Variants in SH3TC2 observed in about 807,000 individuals in gnomAD.
SH3TC2 encodes SH3 domain and tetratricopeptide repeats 2.
In SH3TC2, 87 loss-of-function variants were observed where a neutral mutation model predicts 124.5. The observed-to-expected ratio is 0.70, with a 90% CI of 0.59 to 0.84. The LOEUF (loss-of-function observed/expected upper bound fraction) is 0.84, where lower values mean the gene tolerates loss of function less well. Ranked by LOEUF, SH3TC2 falls within the 40% of genes least tolerant of loss-of-function variation. The pLI is 0.00. For synonymous variants in SH3TC2, 634 were observed against 628.5 expected (o/e 1.01, Z -0.13); for missense variants, 1,536 against 1,566.4 (o/e 0.98, Z 0.33).
At position 149,007,082 on chromosome 5, in the gene SH3TC2, G is replaced by A. The variant is rs768321650; in HGVS notation, c.3479-5C>T. ...CCAGCTCTTGCCTCTGATCTCCTAA[G>A]AATTGGAAGACTGAGAGAGATATCC... On this transcript the variant is annotated splice_polypyrimidine_tract_variant and splice_region_variant and intron_variant, in intron 15 of 16. Coordinates refer to ENST00000515425, the MANE Select transcript of SH3TC2 (RefSeq NM_024577.4). The A allele has an allele frequency of 1.5e-5, 24 of 1,613,796 alleles. No individual in the cohort carries two copies. Among genetic ancestry groups the A allele is most frequent in the Non-Finnish European group, 1.9e-5 (22 of 1,179,808 alleles).
chr5:149,001,018 T>A lies in SH3TC2; in HGVS notation c.*3693A>T, dbSNP rs907599702. ...TGCCCAAGGTCGCACTGCAATTTAA[T>A]ATCAAAATCAAGACCAAAATACAGG... On this transcript the variant is annotated 3_prime_UTR_variant, in exon 17 of 17. Transcript: ENST00000515425. Among the ~76,000 whole-genome samples, 1 of 152,174 alleles carries A rather than the reference T, an allele frequency of 6.6e-6. No individual in the cohort carries two copies. Among genetic ancestry groups the A allele is most frequent in the Non-Finnish European group, 1.5e-5 (1 of 68,034 alleles).
intron 1 of SH3TC2, chr5:149,062,481 C>T (rs565414196): frequency 1.7e-5 from 8 of 469,616 alleles, no homozygotes; most frequent in Admixed American, 1.5e-4. Context: ...TGCACACACT[C>T]ACACATGCAC....
chr5:149,020,113 A>ACACACACACACACACACAC (rs1753943863), intron 12 of SH3TC2, among the ~76,000 whole-genome samples: 1 of 146,804 alleles, frequency 6.8e-6, no homozygotes, highest in African/African-American at 2.6e-5. Context: ...GAAAAGGTCA[A>ACACACACACACACACACAC]ACACACACAC....
Position 148,993,046 on chromosome 5 carries a change from G to T in SH3TC2, c.*11665C>A, listed in dbSNP as rs1316342942. ...AGCCCACAGCGTTTCATTTAGATCT[G>T]GTCTGGGCTGCCTTTACCTGGCCTC... is the stretch of plus-strand genomic sequence containing the variant. On this transcript the variant is annotated 3_prime_UTR_variant, in exon 17 of 17. Transcript: ENST00000515425. Among the ~76,000 whole-genome samples the T allele has an allele frequency of 6.6e-6, 1 of 152,098 alleles. No homozygotes were observed. The highest frequency in any genetic ancestry group is 1.5e-5 in the Non-Finnish European group (1 of 68,022).
At chr5:149,034,544 T>C (rs1561767646) in intron 8 of SH3TC2, 4 of 386,834 alleles carry the variant, frequency 1.0e-5, no homozygotes, top group South Asian at 8.1e-5. Flanking sequence ...ATAAATATAA[T>C]ATCATTTTTA....
At chr5:149,025,547 C>A (rs1386438908) in intron 12 of SH3TC2, among the ~76,000 whole-genome samples, 1 of 152,182 alleles carries the variant, frequency 6.6e-6, no homozygotes, top group Non-Finnish European at 1.5e-5. Context: ...TGCAATACTG[C>A]AAAGCAAATC....
At position 149,042,781 on chromosome 5, in the gene SH3TC2, A is replaced by C. The variant is rs748071430; in HGVS notation, c.442T>G (p.Cys148Gly). ...LLFDHKYWLN[C>G]ILVEDTEIQV... Reference sequence around the variant, plus strand: ...ATCTCTGTATCCTCCACCAATATGCAGTTGAGCCAGTACTTGTGGTCAAAG... The same window carrying C: ...ATCTCTGTATCCTCCACCAATATGCCGTTGAGCCAGTACTTGTGGTCAAAG... The change falls in exon 5 of 17, where the codon TGC becomes GGC. Residue 148 changes from cysteine to glycine, a missense_variant. Cys to Gly is a radical substitution (Grantham distance 159). Around this residue, in one of 3 missense-constraint regions of SH3TC2, gnomAD observed 1,102 missense variants for 1,098.6 expected, o/e 1.00. Transcript: ENST00000515425. 37 of 1,614,078 alleles carry C rather than the reference A, an allele frequency of 2.3e-5. No individual in the cohort carries two copies. The highest frequency in any genetic ancestry group is 4.0e-5 in the African/African-American group (3 of 74,922).
At position 149,032,254 on chromosome 5, in the gene SH3TC2, A is replaced by T. The variant is rs142818531; in HGVS notation, c.1002-567T>A. 2.2e-3 allele frequency among the ~76,000 whole-genome samples: 338 copies of T among 152,344 alleles called. 3 individuals carry two copies. The highest frequency in any genetic ancestry group is 7.9e-3 in the African/African-American group (329 of 41,580). ...GTTTAGTCAACATTAAGAGGATTGG[A>T]ATCGCTAAGGGAAAGAAGTGGGTAA... is the stretch of plus-strand genomic sequence containing the variant. On this transcript the variant is annotated intron_variant, in intron 8 of 16. Coordinates refer to ENST00000515425, the MANE Select transcript of SH3TC2 (RefSeq NM_024577.4).
At chr5:149,005,241 T>C (rs1753667356) in intron 16 of SH3TC2, among the ~76,000 whole-genome samples, 1 of 152,156 alleles carries the variant, frequency 6.6e-6, no homozygotes, top group African/African-American at 2.4e-5. Context: ...CCTGGGACTT[T>C]CCACTGTGTC....
intron 1 of SH3TC2, among the ~76,000 whole-genome samples, chr5:149,057,035 T>C (rs1216255191): frequency 1.3e-5 from 2 of 152,216 alleles, no homozygotes; most frequent in Non-Finnish European, 2.9e-5. Flanking sequence ...TTTTCTTTTT[T>C]TATAGGCACA....
chr5:149,037,935 A>C (rs771239896), intron 8 of SH3TC2, among the ~76,000 whole-genome samples: 2 of 152,132 alleles, frequency 1.3e-5, no homozygotes, highest in Non-Finnish European at 2.9e-5. Flanking sequence ...GCATGCTGCT[A>C]ATCTATTTCT....
chr5:148,989,023 A>G lies in SH3TC2; in HGVS notation c.*15688T>C, dbSNP rs1044143567. ...GGAAATAAAAAAACAACCACCAACCACACACTCATATAACACACACAACAC... is the reference window on the plus strand; with the variant it reads ...GGAAATAAAAAAACAACCACCAACCGCACACTCATATAACACACACAACAC... On this transcript the variant is annotated 3_prime_UTR_variant, in exon 17 of 17. Coordinates refer to ENST00000515425, the MANE Select transcript of SH3TC2 (RefSeq NM_024577.4). 5.9e-5 allele frequency among the ~76,000 whole-genome samples: 9 copies of G among 152,190 alleles called. No individual in the cohort carries two copies. Among genetic ancestry groups the G allele is most frequent in the African/African-American group, 2.2e-4 (9 of 41,442 alleles).
chr5:149,038,201 AC>A lies in SH3TC2; in HGVS notation c.1001+93del, dbSNP rs534457131. The stretch of plus-strand genomic sequence containing the variant: ...TTTTCTGGCTCCATGTCACCAGGGC[AC>A]CCTCGAAGCTCAACTGCAAATCTGC... On this transcript the variant is annotated intron_variant, in intron 8 of 16. Coordinates refer to ENST00000515425, the MANE Select transcript of SH3TC2 (RefSeq NM_024577.4). 6.3e-4 allele frequency: 765 copies of A among 1,209,554 alleles called. 5 individuals are homozygous for A. The African/African-American group carries it at 0.01, about 16-fold the overall frequency. 74.9% of individuals were successfully genotyped at this position (1,209,554 alleles called of 1,614,324 possible).
In SH3TC2 at chr5:148,982,202, C is replaced by T. The variant is rs1238121646; in HGVS notation, c.*22509G>A. Among the ~76,000 whole-genome samples, 1 of 151,722 alleles carries T rather than the reference C, an allele frequency of 6.6e-6. No individual in the cohort carries two copies. Among genetic ancestry groups the T allele is most frequent in the Non-Finnish European group, 1.5e-5 (1 of 67,966 alleles). Reference sequence around the variant, plus strand: ...GTTTAAATTTTAAAACATTGAGATACCACCTCACAACTATTAAACACTCAA... The same window carrying T: ...GTTTAAATTTTAAAACATTGAGATATCACCTCACAACTATTAAACACTCAA... On this transcript the variant is annotated 3_prime_UTR_variant, in exon 17 of 17. Coordinates refer to ENST00000515425, the MANE Select transcript of SH3TC2 (RefSeq NM_024577.4).
intron 12 of SH3TC2, among the ~76,000 whole-genome samples, chr5:149,015,722 C>A (rs116062126): frequency 1.1e-4 from 17 of 152,316 alleles, no homozygotes; most frequent in African/African-American, 3.6e-4. Flanking sequence ...TCTTACCACC[C>A]GCTGCTGGGG....
chr5:149,015,603 C>T (rs1488978969), intron 12 of SH3TC2, among the ~76,000 whole-genome samples: 1 of 152,206 alleles, frequency 6.6e-6, no homozygotes, highest in African/African-American at 2.4e-5. Context: ...TTTTTCCTGT[C>T]CTCAAGTTCA....
At chr5:149,061,058 G>T (rs1394020599) in intron 1 of SH3TC2, among the ~76,000 whole-genome samples, 1 of 152,118 alleles carries the variant, frequency 6.6e-6, no homozygotes, top group Non-Finnish European at 1.5e-5. Context: ...ACACATACAG[G>T]GAATAATATG....
chr5:149,030,260 C>T (rs1379814037), intron 9 of SH3TC2, among the ~76,000 whole-genome samples: 1 of 152,206 alleles, frequency 6.6e-6, no homozygotes, highest in Non-Finnish European at 1.5e-5. Context: ...ATGGTATACG[C>T]CTTGGGGAAG....
At chr5:149,039,229 C>A (rs959664868) in intron 7 of SH3TC2, among the ~76,000 whole-genome samples, 1 of 152,194 alleles carries the variant, frequency 6.6e-6, no homozygotes, top group Non-Finnish European at 1.5e-5. Flanking sequence ...GTCCAGTTTA[C>A]AAAGTACAAT....
Sources: allele counts gnomAD v4.1 joint callset (sites outside exome capture counted in the v4.1 genomes callset), GRCh38; gene constraint gnomAD v4.1.1; regional missense constraint gnomAD v4.1.1; transcripts MANE v1.5; gene names NCBI Gene and HGNC (gene_info 2026-07-23, HGNC 2026-07-21).